The following MTSS1 variants were observed in gnomAD, a reference collection of about 807,000 sequenced individuals.
The protein encoded by MTSS1 is MTSS I-BAR domain containing 1.
Under a neutral mutation model 79.0 loss-of-function variants are expected in MTSS1, and 18 were observed. The observed-to-expected ratio is 0.23, with a 90% CI of 0.16 to 0.34. The LOEUF is 0.34. Ranked by LOEUF, MTSS1 falls within the 10% of genes least tolerant of loss-of-function variation. MTSS1 has a pLI of 1.00. For synonymous variants in MTSS1, 341 were observed against 368.6 expected (o/e 0.93, Z 0.86); for missense variants, 815 against 986.2 (o/e 0.83, Z 2.33).
intron 3 of MTSS1, among the ~76,000 whole-genome samples, chr8:124,679,223 G>A (rs1825767181): frequency 6.6e-6 from 1 of 152,212 alleles, no homozygotes; most frequent in Admixed American, 6.5e-5. Context: ...TTAACCAAAG[G>A]TTTTATTTAA....
chr8:124,676,705 C>T (rs551642560), intron 3 of MTSS1, among the ~76,000 whole-genome samples: 5 of 152,304 alleles, frequency 3.3e-5, no homozygotes, highest in South Asian at 2.1e-4. Flanking sequence ...AAAAGGTCTC[C>T]GTTCCCTTGA....
intron 3 of MTSS1, among the ~76,000 whole-genome samples, chr8:124,681,736 C>G (rs1160949288): frequency 6.6e-6 from 1 of 152,154 alleles, no homozygotes; most frequent in South Asian, 2.1e-4. Flanking sequence ...TGCAGTGAGC[C>G]GAGATCATGC....
At chr8:124,633,622 T>C (rs1359925056) in intron 3 of MTSS1, among the ~76,000 whole-genome samples, 1 of 151,914 alleles carries the variant, frequency 6.6e-6, no homozygotes, top group Non-Finnish European at 1.5e-5. Flanking sequence ...AATACAAAAT[T>C]ATCTGGGTGT....
At chr8:124,689,762 A>T (rs1305843838) in intron 3 of MTSS1, among the ~76,000 whole-genome samples, 1 of 152,080 alleles carries the variant, frequency 6.6e-6, no homozygotes, top group Non-Finnish European at 1.5e-5. Flanking sequence ...AAAAAAAAAA[A>T]AAAAATTCTT....
rs914096350 is a variant in MTSS1 at position 124,567,925 on chromosome 8, G to A, written c.618+454C>T. ...ATTAAGTCTAAATTGATTCATTGAG[G>A]CTCTTGGATATTCATCTCATGGTCA... On this transcript the variant is annotated intron_variant, in intron 7 of 13. Coordinates refer to ENST00000518547, the MANE Select transcript of MTSS1 (RefSeq NM_014751.6). 1.0e-5 allele frequency: 14 copies of A among 1,402,308 alleles called. No homozygotes were observed. In the African/African-American group the frequency reaches 1.3e-4, roughly 13 times the overall value. 86.9% of individuals were successfully genotyped at this position (1,402,308 alleles called of 1,614,324 possible).
intron 1 of MTSS1, among the ~76,000 whole-genome samples, chr8:124,721,423 T>TTTTG: frequency 9.8e-6 from 1 of 101,654 alleles, no homozygotes; most frequent in African/African-American, 3.2e-5. Flanking sequence ...TTTTTTTTTT[T>TTTTG]TTTTTGAGAC....
Position 124,699,602 on chromosome 8 carries a change from A to G in MTSS1, c.135-3T>C, listed in dbSNP as rs777653792. 7.7e-5 allele frequency: 124 copies of G among 1,613,846 alleles called. No individual in the cohort carries two copies. The highest frequency in any genetic ancestry group is 7.7e-5 in the South Asian group (7 of 91,076). ...CAGCTGCTGCTACTACTGTTGTCCTAAAATGCAAACAGATAACAAAAGCAT... is the reference window on the plus strand; with the variant it reads ...CAGCTGCTGCTACTACTGTTGTCCTGAAATGCAAACAGATAACAAAAGCAT... On this transcript the variant is annotated splice_polypyrimidine_tract_variant and splice_region_variant and intron_variant, in intron 2 of 13. Coordinates refer to ENST00000518547, the MANE Select transcript of MTSS1 (RefSeq NM_014751.6).
chr8:124,687,415 A>G (rs550469428), intron 3 of MTSS1, among the ~76,000 whole-genome samples: 1 of 152,298 alleles, frequency 6.6e-6, no homozygotes, highest in Admixed American at 6.5e-5. Context: ...CAAATGAAGT[A>G]TCACTCTCCT....
intron 2 of MTSS1, among the ~76,000 whole-genome samples, chr8:124,702,411 A>G (rs1056270718): frequency 6.6e-6 from 1 of 152,228 alleles, no homozygotes; most frequent in African/African-American, 2.4e-5. Context: ...GTAGAAAGTA[A>G]TTACAAGAGC....
intron 1 of MTSS1, among the ~76,000 whole-genome samples, chr8:124,710,061 G>A (rs1830938421): frequency 6.6e-6 from 1 of 152,264 alleles, no homozygotes; most frequent in African/African-American, 2.4e-5. Flanking sequence ...AGGGGGTGCA[G>A]CTGACACAAA....
In MTSS1 at chr8:124,551,336, A is replaced by C. The variant is rs995228178; in HGVS notation, c.*1656T>G. 11 of 152,672 alleles carry C rather than the reference A, an allele frequency of 7.2e-5. No individual in the cohort carries two copies. Among genetic ancestry groups the C allele is most frequent in the African/African-American group, 1.2e-4 (5 of 41,462 alleles). The allele number at this position is 152,672 out of a possible 1,614,324, so 9.5% of individuals were successfully genotyped here. A position where few individuals can be genotyped will look rare whatever the true frequency, so the allele number is the denominator to read the frequency against. On this transcript the variant is annotated 3_prime_UTR_variant, in exon 14 of 14. Coordinates refer to ENST00000518547, the MANE Select transcript of MTSS1 (RefSeq NM_014751.6). ...AAGGAGCTTGTTTTTCAAAGAAAAA[A>C]GCTTAAATAGTTTCTAATAATCATG...
chr8:124,684,583 G>T (rs569365132), intron 3 of MTSS1, among the ~76,000 whole-genome samples: 3 of 152,250 alleles, frequency 2.0e-5, no homozygotes, highest in South Asian at 4.1e-4. Context: ...ATAAGAAAAG[G>T]CATATATTTG....
At chr8:124,690,146 C>T (rs553465838) in intron 3 of MTSS1, among the ~76,000 whole-genome samples, 2 of 152,318 alleles carry the variant, frequency 1.3e-5, no homozygotes, top group African/African-American at 2.4e-5. Flanking sequence ...ACCTTCCTCC[C>T]CACTGCTGCT....
At chr8:124,562,188 C>G (rs888826546) in intron 10 of MTSS1, among the ~76,000 whole-genome samples, 8 of 152,208 alleles carry the variant, frequency 5.3e-5, no homozygotes, top group African/African-American at 1.9e-4. Context: ...CCAGCTGGAA[C>G]CACTGGGCTG....
intron 10 of MTSS1, among the ~76,000 whole-genome samples, chr8:124,559,805 C>T (rs569168418): frequency 6.6e-6 from 1 of 152,322 alleles, no homozygotes; most frequent in East Asian, 1.9e-4. Flanking sequence ...CATCCAGGTA[C>T]TTGCTTTAAA....
intron 3 of MTSS1, among the ~76,000 whole-genome samples, chr8:124,690,079 C>T (rs931868160): frequency 3.3e-5 from 5 of 152,116 alleles, no homozygotes; most frequent in East Asian, 1.9e-4. Flanking sequence ...CAAATAACCA[C>T]GCTGCACACA....
intron 1 of MTSS1, among the ~76,000 whole-genome samples, chr8:124,716,618 C>G (rs966788997): frequency 1.3e-5 from 2 of 152,170 alleles, no homozygotes; most frequent in South Asian, 4.1e-4. Flanking sequence ...CAAAAAGTCT[C>G]CTGGGATGGA....
Position 124,552,292 on chromosome 8 carries a change from G to A in MTSS1, c.*700C>T, listed in dbSNP as rs1481467684. The A allele has an allele frequency of 2.6e-5, 4 of 153,086 alleles. No individual in the cohort carries two copies. The highest frequency in any genetic ancestry group is 2.4e-5 in the African/African-American group (1 of 41,396). The allele number at this position is 153,086 out of a possible 1,614,324, so 9.5% of individuals were successfully genotyped here. ...CACTGCAATCCAGTATGGCTTATTC[G>A]GATGCATTTACCATGAAGCTACCAG... On this transcript the variant is annotated 3_prime_UTR_variant, in exon 14 of 14. Coordinates refer to ENST00000518547, the MANE Select transcript of MTSS1 (RefSeq NM_014751.6).
chr8:124,652,811 A>C (rs1490507780), intron 3 of MTSS1, among the ~76,000 whole-genome samples: 2 of 151,888 alleles, frequency 1.3e-5, no homozygotes, highest in Non-Finnish European at 1.5e-5. Flanking sequence ...AAAAAAAAAA[A>C]AACACAGCCA....
Sources: gnomAD v4.1 joint callset for allele counts (sites outside exome capture counted in the v4.1 genomes callset) on GRCh38, gnomAD v4.1.1 for gene constraint, MANE v1.5 for transcripts, NCBI Gene and HGNC (gene_info 2026-07-23, HGNC 2026-07-21) for gene names.